DOCK9: variants seen among roughly 807,000 people sequenced by gnomAD.
DOCK9 encodes the protein dedicator of cytokinesis 9, also known as dedicator of cytokinesis protein 9.
In DOCK9, 89 loss-of-function variants were observed where a neutral mutation model predicts 263.3. That is an observed-to-expected ratio of 0.34 (90% CI 0.28 to 0.40). The LOEUF (loss-of-function observed/expected upper bound fraction) is 0.40, where lower values mean the gene tolerates loss of function less well. DOCK9 is among the 10% of genes least tolerant of loss of function. The probability of loss-of-function intolerance (pLI) is 1.00; values close to 1 mark genes in which losing one functional copy is unlikely to be tolerated. For missense variants in DOCK9, 2,140 were observed against 2,603.4 expected (o/e 0.82, Z 3.87); for synonymous variants, 976 against 973.1 (o/e 1.00, Z -0.06).
At chr13:99,021,638 CAAA>C (rs61660903) in intron 1 of DOCK9, among the ~76,000 whole-genome samples, 48,098 of 100,480 alleles carry the variant, frequency 0.48, 7,298 homozygotes, top group East Asian at 0.61. Flanking sequence ...GACTCTGTCT[CAAA>C]AAAAAAAAAA....
At chr13:98,980,613 T>C (rs1346719661), upstream of DOCK9, among the ~76,000 whole-genome samples, 2 of 152,238 alleles carry the variant, frequency 1.3e-5, no homozygotes, top group Non-Finnish European at 2.9e-5. Flanking sequence ...GCAAAGCAGG[T>C]ATTCATTTGA....
chr13:99,082,062 T>A (rs1007979791), intron 1 of DOCK9, among the ~76,000 whole-genome samples: 2 of 151,590 alleles, frequency 1.3e-5, no homozygotes, highest in Admixed American at 6.6e-5. Flanking sequence ...TAAAAAAAAA[T>A]ACAAAAATTA....
At position 98,902,341 on chromosome 13, in the gene DOCK9, G is replaced by C. The variant is rs375724712; in HGVS notation, c.1327C>G (p.Pro443Ala). The stretch of plus-strand genomic sequence containing the variant: ...TGAAGGATGCCCTTGAGGACAGATG[G>C]GCTCTGCCCACTGCCATTCATCAGC... ...PALMNGSGQS[P>A]SVLKGILHEA... Residue 443 changes from proline to alanine, a missense_variant, in exon 12 of 53, where the codon CCA becomes GCA. Coordinates refer to ENST00000682017, the MANE Select transcript of DOCK9 (RefSeq NM_001366683.2). 8.7e-6 allele frequency: 14 copies of C among 1,613,890 alleles called. No individual in the cohort carries two copies. The highest frequency in any genetic ancestry group is 1.1e-5 in the Non-Finnish European group (13 of 1,179,902).
chr13:98,809,207 C>T (rs1225018990), intron 47 of DOCK9, 145 bp downstream of exon 47: 1 of 1,259,924 alleles, frequency 7.9e-7, no homozygotes, highest in Admixed American at 2.4e-5. Flanking sequence ...AAGAATCATA[C>T]TAAATATGAC....
At chr13:98,944,971 A>G (rs1028666502) in intron 2 of DOCK9, among the ~76,000 whole-genome samples, 4 of 152,238 alleles carry the variant, frequency 2.6e-5, no homozygotes, top group African/African-American at 4.8e-5. Context: ...GAATTTGCAC[A>G]GTCCAATGCT....
At chr13:98,949,229 T>A (rs551044184) in intron 2 of DOCK9, among the ~76,000 whole-genome samples, 5 of 152,318 alleles carry the variant, frequency 3.3e-5, no homozygotes, top group Admixed American at 6.5e-5. Context: ...TGCGCCACCA[T>A]GCCCGGCTAA....
chr13:98,972,095 A>G (rs1487539695), intron 1 of DOCK9, among the ~76,000 whole-genome samples: 1 of 152,224 alleles, frequency 6.6e-6, no homozygotes, highest in Non-Finnish European at 1.5e-5. Context: ...AAAGTCTACA[A>G]TCCTGGCTCT....
chr13:98,809,284 TTTTTGTTTTTG>T lies in DOCK9; in HGVS notation c.5367+57_5367+67del, dbSNP rs758422852. ...AAGATATAACTTTATTATAGTTTTT[TTTTTGTTTTTG>T]TTTTTGTTTTTTTTTAAAGGACTTA... On this transcript the variant is annotated intron_variant, in intron 47 of 52. Coordinates refer to ENST00000682017, the MANE Select transcript of DOCK9 (RefSeq NM_001366683.2). 9 of 1,166,312 alleles carry T rather than the reference TTTTTGTTTTTG, an allele frequency of 7.7e-6. No individual in the cohort carries two copies. In the South Asian group the frequency reaches 1.2e-4, roughly 16 times the overall value. 72.2% of individuals were successfully genotyped at this position (1,166,312 alleles called of 1,614,324 possible).
At chr13:98,885,858 A>C (rs2045615669) in intron 19 of DOCK9, 27 bp from the exon 20 acceptor site, 1 of 1,583,046 alleles carries the variant, frequency 6.3e-7, no homozygotes, top group Non-Finnish European at 8.6e-7. Flanking sequence ...AATAACAACA[A>C]AATATTCTAA....
Position 98,825,891 on chromosome 13 carries a change from G to A in DOCK9, c.5023+939C>T. ...GCTCACCTCCCCGGCTCCTCCTCAGGCAGGCGCTATGGCTGTGGGGGAGAA... is the reference window on the plus strand; with the variant it reads ...GCTCACCTCCCCGGCTCCTCCTCAGACAGGCGCTATGGCTGTGGGGGAGAA... On this transcript the variant is annotated intron_variant, in intron 44 of 52. Transcript: ENST00000682017. This position sits in a 1 kb window ranked among gnomAD's most constrained non-coding sequence, Gnocchi z 4.1. 1 of 1,547,664 alleles carries A rather than the reference G, an allele frequency of 6.5e-7. No individual in the cohort carries two copies. The highest frequency in any genetic ancestry group is 8.7e-7 in the Non-Finnish European group (1 of 1,145,118).
At position 99,084,598 on chromosome 13, in the gene DOCK9, A is replaced by T. The variant is rs567730686; in HGVS notation, c.129+1625T>A. On this transcript the variant is annotated intron_variant, in intron 1 of 32. Transcript: ENST00000427887. ...TAGGCCATCCTCCGATGGGAAGGGCAGATATTCGGGGACTACTGCACATCA... is the reference window on the plus strand; with the variant it reads ...TAGGCCATCCTCCGATGGGAAGGGCTGATATTCGGGGACTACTGCACATCA... Among the ~76,000 whole-genome samples, 3 of 152,362 alleles carry T rather than the reference A, an allele frequency of 2.0e-5. No homozygotes were observed. In the East Asian group the frequency reaches 5.8e-4, roughly 29 times the overall value.
chr13:99,033,867 T>A (rs1887594703), intron 1 of DOCK9, among the ~76,000 whole-genome samples: 1 of 152,124 alleles, frequency 6.6e-6, no homozygotes, highest in Non-Finnish European at 1.5e-5. Context: ...ATGTGCTGAG[T>A]AAATAAAAGT....
At chr13:98,805,326 C>T in intron 48 of DOCK9, 117 bp from the exon 49 acceptor site, 1 of 871,274 alleles carries the variant, frequency 1.1e-6, no homozygotes, top group Non-Finnish European at 1.8e-6. Context: ...AAGAGTACAA[C>T]AAACATCCAC....
At chr13:98,915,651 C>T in intron 7 of DOCK9, 148 bp from the exon 8 acceptor site, 1 of 670,726 alleles carries the variant, frequency 1.5e-6, no homozygotes, top group Non-Finnish European at 2.4e-6. Context: ...TGAAAGCCCC[C>T]CCCCATGAAA....
intron 45 of DOCK9, among the ~76,000 whole-genome samples, chr13:98,814,404 G>A (rs1375237055): frequency 2.6e-5 from 3 of 113,828 alleles, no homozygotes; most frequent in Admixed American, 9.1e-5. Flanking sequence ...AAAGAAGTAC[G>A]TCTTTTTTTT....
At chr13:98,917,034 C>A (rs1317848217) in intron 7 of DOCK9, among the ~76,000 whole-genome samples, 1 of 152,086 alleles carries the variant, frequency 6.6e-6, no homozygotes, top group Admixed American at 6.6e-5. Context: ...TTATTTTACT[C>A]TTTTGAAGCC....
At chr13:98,983,623 A>T (rs12875087) in intron 1 of DOCK9, among the ~76,000 whole-genome samples, 62,399 of 128,382 alleles carry the variant, frequency 0.49, 13,299 homozygotes, top group East Asian at 0.62. Context: ...TATTATTATT[A>T]TTTTTTTTTT....
At position 98,983,760 on chromosome 13, in the gene DOCK9, G is replaced by A. The variant is rs1018015518; in HGVS notation, c.130-28209C>T. Among the ~76,000 whole-genome samples, 8 of 151,850 alleles carry A rather than the reference G, an allele frequency of 5.3e-5. 1 individual carries two copies. The highest frequency in any genetic ancestry group is 9.7e-5 in the African/African-American group (4 of 41,334). On this transcript the variant is annotated intron_variant, in intron 1 of 32. Transcript: ENST00000427887. ...GCCTCCCGAGTAGTTGGGATTACAG[G>A]TGCCCACCACCACGGGTGGGTAATT...
At chr13:98,822,285 C>A (rs1367718977) in intron 45 of DOCK9, among the ~76,000 whole-genome samples, 1 of 152,150 alleles carries the variant, frequency 6.6e-6, no homozygotes, top group Non-Finnish European at 1.5e-5. Flanking sequence ...CACAATTTCC[C>A]CAAGGCTGTC....
Sources: allele counts gnomAD v4.1 joint callset (sites outside exome capture counted in the v4.1 genomes callset), GRCh38; gene constraint gnomAD v4.1.1; non-coding constraint Gnocchi (gnomAD v3.1); transcripts MANE v1.5; gene names NCBI Gene and HGNC (gene_info 2026-07-23, HGNC 2026-07-21).